The following ZNF77 variants were observed in gnomAD, a reference collection of about 807,000 sequenced individuals.
ZNF77 encodes zinc finger protein 77.
A neutral mutation model predicts 13.5 loss-of-function variants in ZNF77; 15 were observed. The ratio of observed to expected loss-of-function variants is 1.11; its 90% CI spans 0.74 to 1.71. The LOEUF (loss-of-function observed/expected upper bound fraction) is 1.71, where lower values mean the gene tolerates loss of function less well. ZNF77 is among the 40% of genes most tolerant of loss of function. ZNF77 has a pLI of 0.00. For synonymous variants in ZNF77, 282 were observed against 250.0 expected, an observed-to-expected ratio of 1.13 and a Z score of -1.21; for missense variants, 717 against 676.4, an observed-to-expected ratio of 1.06 and a Z score of -0.67.
At chr19:2,937,065 T>A (rs1195566885) in intron 2 of ZNF77, among the ~76,000 whole-genome samples, 1 of 152,126 alleles carries the variant, frequency 6.6e-6, no homozygotes, top group African/African-American at 2.4e-5. Flanking sequence ...GTTGTGTGCC[T>A]ATAATCCCAG....
Position 2,933,520 on chromosome 19 carries a change from T to C in ZNF77, c.1607A>G (p.Gln536Arg), listed in dbSNP as rs765753000. Reference protein sequence around the residue: ...GKTFRYLASLQAHVRTHAGA With the variant: ...GKTFRYLASLRAHVRTHAGA ...TCCAGCATGTGTTCTCACATGTGCTTGAAGCGATGCGAGATACCTGAAGGT... is the reference window on the plus strand; with the variant it reads ...TCCAGCATGTGTTCTCACATGTGCTCGAAGCGATGCGAGATACCTGAAGGT... The change falls in exon 4 of 4, where the codon CAA becomes CGA. Residue 536 changes from glutamine (Q) to arginine (R), a missense_variant. Gln to Arg is a conservative substitution (Grantham distance 43). Transcript: ENST00000314531. 6.3e-7 allele frequency: 1 copy of C among 1,594,730 alleles called. No homozygotes were observed. The highest frequency in any genetic ancestry group is 1.1e-5 in the South Asian group (1 of 88,542).
chr19:2,939,676 T>C, intron 1 of ZNF77: 1 of 435,220 alleles, frequency 2.3e-6, no homozygotes, highest in East Asian at 5.0e-5. Flanking sequence ...CTGAAAAATC[T>C]GAAAACATCA....
At chr19:2,935,792 G>A (rs1460794892) in intron 3 of ZNF77, among the ~76,000 whole-genome samples, 2 of 152,136 alleles carry the variant, frequency 1.3e-5, no homozygotes. Context: ...TGAGATGGGT[G>A]GACTGCTTGA....
rs568696283 is a variant in ZNF77, at chr19:2,944,902, G to A, written c.-62C>T. On this transcript the variant is annotated 5_prime_UTR_variant, in exon 1 of 4. Transcript: ENST00000314531. ...CCGCGGTCCAGCGACCGGCGCAGGT[G>A]AGCACGACAGGACACCTGAGCCGCT... 7.9e-5 allele frequency: 120 copies of A among 1,509,756 alleles called. 1 individual carries two copies. Among genetic ancestry groups the A allele is most frequent in the East Asian group, 3.6e-4 (14 of 39,008 alleles). 93.5% of individuals were successfully genotyped at this position (1,509,756 alleles called of 1,614,324 possible).
chr19:2,937,977 G>A (rs1371847462), intron 2 of ZNF77, among the ~76,000 whole-genome samples: 1 of 152,150 alleles, frequency 6.6e-6, no homozygotes, highest in Non-Finnish European at 1.5e-5. Flanking sequence ...GGCTGGTCTT[G>A]AACTCCTGAC....
intron 1 of ZNF77, among the ~76,000 whole-genome samples, chr19:2,940,878 T>C (rs1432306603): frequency 2.0e-5 from 3 of 151,756 alleles, no homozygotes; most frequent in Non-Finnish European, 2.9e-5. Context: ...AATTTTATAA[T>C]AAAATGCTAT....
At chr19:2,935,715 A>G (rs1426989081) in intron 3 of ZNF77, among the ~76,000 whole-genome samples, 1 of 151,870 alleles carries the variant, frequency 6.6e-6, no homozygotes, top group African/African-American at 2.4e-5. Flanking sequence ...TTATAAAAAT[A>G]CTCTCTTAGG....
chr19:2,942,941 C>T (rs958768640), intron 1 of ZNF77, among the ~76,000 whole-genome samples: 20 of 152,158 alleles, frequency 1.3e-4, no homozygotes, highest in African/African-American at 3.9e-4. Context: ...CTACCACGCC[C>T]GGCTAATTTT....
At chr19:2,939,523 G>A (rs2088431303) in intron 1 of ZNF77, 116 bp from the exon 2 acceptor site, 1 of 1,466,722 alleles carries the variant, frequency 6.8e-7, no homozygotes. Flanking sequence ...ATGTCCTTGT[G>A]AGAGGTGACC....
At chr19:2,943,222 T>G (rs1399800432) in intron 1 of ZNF77, among the ~76,000 whole-genome samples, 1 of 133,858 alleles carries the variant, frequency 7.5e-6, no homozygotes, top group Non-Finnish European at 1.6e-5. Context: ...CCCACCCCAC[T>G]GCAATAGAAC....
chr19:2,933,643 G>A lies in ZNF77; in HGVS notation c.1484C>T (p.Thr495Ile), dbSNP rs766992896. 6.3e-7 allele frequency: 1 copy of A among 1,598,118 alleles called. No individual in the cohort carries two copies. The highest frequency in any genetic ancestry group is 1.1e-5 in the South Asian group (1 of 88,438). ...SHSGVKPYEC[T>I]ECGKAYSCSS... ...ACAACTGTAGGCTTTCCCACATTCA[G>A]TACATTCGTAGGGTTTGACCCCACT... The change falls in exon 4 of 4, where the codon ACT (threonine) becomes ATT (isoleucine). Residue 495 changes from threonine (T) to isoleucine (I), a missense_variant. By Grantham distance (89) the Thr-to-Ile change is moderately conservative. Coordinates refer to ENST00000314531, the MANE Select transcript of ZNF77 (RefSeq NM_021217.3).
chr19:2,943,528 G>A (rs1389964343), intron 1 of ZNF77, among the ~76,000 whole-genome samples: 1 of 151,648 alleles, frequency 6.6e-6, no homozygotes, highest in African/African-American at 2.4e-5. Context: ...TGACCACGAG[G>A]AGGTACATTT....
Position 2,939,272 on chromosome 19 carries a change from C to T in ZNF77, c.130+9G>A, listed in dbSNP as rs766355228. On this transcript the variant is annotated intron_variant, in intron 2 of 3. Coordinates refer to ENST00000314531, the MANE Select transcript of ZNF77 (RefSeq NM_021217.3). ...CAAGGAGGCAGTGAGGGAATGACAC[C>T]ACCCTTACCCAAGGAGGCAAGGTTC... 6.6e-7 allele frequency: 1 copy of T among 1,524,418 alleles called. No homozygotes were observed. Among genetic ancestry groups the T allele is most frequent in the East Asian group, 3.3e-5 (1 of 30,660 alleles). 94.4% of individuals were successfully genotyped at this position (1,524,418 alleles called of 1,614,324 possible). A position where few individuals can be genotyped will look rare whatever the true frequency, so the allele number is the denominator to read the frequency against.
intron 1 of ZNF77, among the ~76,000 whole-genome samples, chr19:2,944,591 C>A (rs1414492511): frequency 1.3e-5 from 2 of 152,026 alleles, no homozygotes. Context: ...CACAAGCTCT[C>A]CCCAAACTCC....
intron 2 of ZNF77, among the ~76,000 whole-genome samples, chr19:2,937,613 C>G (rs1298005066): frequency 6.6e-6 from 1 of 152,078 alleles, no homozygotes; most frequent in African/African-American, 2.4e-5. Flanking sequence ...TGCACATGCA[C>G]AAATGCTCCT....
chr19:2,943,561 G>C (rs1026377339), intron 1 of ZNF77, among the ~76,000 whole-genome samples: 1 of 151,772 alleles, frequency 6.6e-6, no homozygotes, highest in Non-Finnish European at 1.5e-5. Context: ...CTTTCTGCTT[G>C]TCCCCTAAAA....
At chr19:2,936,842 ACT>A in intron 2 of ZNF77, 138 bp from the exon 3 acceptor site, 1 of 777,904 alleles carries the variant, frequency 1.3e-6, no homozygotes, top group Non-Finnish European at 2.0e-6. Flanking sequence ...TCAAAGTGAG[ACT>A]CTGAGGACCT....
At chr19:2,937,282 G>A (rs996000518) in intron 2 of ZNF77, among the ~76,000 whole-genome samples, 5 of 152,070 alleles carry the variant, frequency 3.3e-5, no homozygotes, top group African/African-American at 7.2e-5. Flanking sequence ...TCAGGAGTTC[G>A]AAACCAGCCT....
chr19:2,940,239 A>G (rs1368225347), intron 1 of ZNF77, among the ~76,000 whole-genome samples: 1 of 151,970 alleles, frequency 6.6e-6, no homozygotes, highest in South Asian at 2.1e-4. Context: ...AATTTAGGAT[A>G]TTGGCCAGGT....
Sources: allele counts gnomAD v4.1 joint callset (sites outside exome capture counted in the v4.1 genomes callset), GRCh38; gene constraint gnomAD v4.1.1; transcripts MANE v1.5; gene names NCBI Gene and HGNC (gene_info 2026-07-23, HGNC 2026-07-21).